Variants in CD109 observed in about 807,000 individuals in gnomAD.
CD109 encodes the protein CD109 molecule, also known as CD109 antigen.
Under a neutral mutation model 165.8 loss-of-function variants are expected in CD109, and 149 were observed. That is an observed-to-expected ratio of 0.90 (90% CI 0.79 to 1.03). CD109 has a LOEUF of 1.03. Among genes scored for constraint, CD109 ranks in the 50% least tolerant of loss-of-function variants. The pLI, the probability that CD109 is intolerant of heterozygous loss-of-function variation, is 0.00. For synonymous variants in CD109, 585 were observed against 592.1 expected (o/e 0.99, Z 0.18); for missense variants, 1,712 against 1,677.8 (o/e 1.02, Z -0.36).
chr6:73,706,227 A>G (rs1283917407), intron 2 of CD109, among the ~76,000 whole-genome samples: 1 of 152,190 alleles, frequency 6.6e-6, no homozygotes, highest in Non-Finnish European at 1.5e-5. Flanking sequence ...TTTATAGGAA[A>G]TGGGGGTAAA....
intron 20 of CD109, among the ~76,000 whole-genome samples, chr6:73,786,575 A>T (rs1316270137): frequency 6.6e-6 from 1 of 152,038 alleles, no homozygotes; most frequent in Non-Finnish European, 1.5e-5. Context: ...CAAATGACTT[A>T]ATTGTAGTTT....
chr6:73,711,227 T>G lies in CD109; in HGVS notation c.248-12024T>G, dbSNP rs562434405. Among the ~76,000 whole-genome samples, 7 of 152,366 alleles carry G rather than the reference T, an allele frequency of 4.6e-5. No homozygotes were observed. In the South Asian group the frequency reaches 1.4e-3, roughly 32 times the overall value. ...ACCATTTTATTTATTTTACTTTTAGTAGGTTTGTGTTTGACCTGCTTTTTT... is the reference window on the plus strand; with the variant it reads ...ACCATTTTATTTATTTTACTTTTAGGAGGTTTGTGTTTGACCTGCTTTTTT... On this transcript the variant is annotated intron_variant, in intron 2 of 32. Transcript: ENST00000287097.
intron 26 of CD109, among the ~76,000 whole-genome samples, 177 bp from the exon 27 acceptor site, chr6:73,809,807 A>ATG (rs144331019): frequency 6.6e-6 from 1 of 152,008 alleles, no homozygotes; most frequent in Non-Finnish European, 1.5e-5. Flanking sequence ...ATACATATGT[A>ATG]TGTGTGTGTG....
chr6:73,715,241 C>T (rs1268227182), intron 2 of CD109, among the ~76,000 whole-genome samples: 1 of 152,044 alleles, frequency 6.6e-6, no homozygotes, highest in Non-Finnish European at 1.5e-5. Flanking sequence ...GCCTGGGTGA[C>T]AGAGCAAGAC....
intron 31 of CD109, 25 bp downstream of exon 31, chr6:73,818,560 T>G (rs763139676): frequency 6.2e-7 from 1 of 1,604,328 alleles, no homozygotes; most frequent in Admixed American, 1.7e-5. Context: ...ATAAGGTAAC[T>G]GTTGACAAAG....
chr6:73,790,704 G>C (rs1308042380), intron 22 of CD109, among the ~76,000 whole-genome samples: 2 of 152,090 alleles, frequency 1.3e-5, no homozygotes, highest in African/African-American at 2.4e-5. Context: ...AGGAAAAAAA[G>C]GGTGAATTCC....
At chr6:73,777,013 G>A (rs1183482900) in intron 15 of CD109, among the ~76,000 whole-genome samples, 5 of 80,866 alleles carry the variant, frequency 6.2e-5, no homozygotes, top group Non-Finnish European at 2.4e-5. Context: ...TTGAGATGGA[G>A]TTTCCCCCTT....
At position 73,765,496 on chromosome 6, in the gene CD109, C is replaced by T. The variant is rs147790549; in HGVS notation, c.1108-434C>T. On this transcript the variant is annotated intron_variant, in intron 10 of 32. Coordinates refer to ENST00000287097, the MANE Select transcript of CD109 (RefSeq NM_133493.5). The stretch of plus-strand genomic sequence containing the variant: ...CCAAGTAGAAATTTCCTGCAGGTAA[C>T]TGGAGGTGTTGGGCATGAACTCCAG... Among the ~76,000 whole-genome samples, 260 of 152,244 alleles carry T rather than the reference C, an allele frequency of 1.7e-3. 1 individual carries two copies. Among genetic ancestry groups the T allele is most frequent in the African/African-American group, 5.9e-3 (247 of 41,542 alleles).
At chr6:73,800,957 TA>T (rs1160624374) in intron 23 of CD109, among the ~76,000 whole-genome samples, 1 of 152,196 alleles carries the variant, frequency 6.6e-6, no homozygotes, top group African/African-American at 2.4e-5. Flanking sequence ...TGGAATAGTT[TA>T]AAAACTTTAA....
At chr6:73,787,573 G>T (rs1042355853) in intron 21 of CD109, 121 bp downstream of exon 21, 3 of 650,644 alleles carry the variant, frequency 4.6e-6, no homozygotes, top group Non-Finnish European at 7.9e-6. Flanking sequence ...TTACCCTTCT[G>T]GTAATGCCTA....
chr6:73,679,370 T>C, the CD109 span, among the ~76,000 whole-genome samples: 2 of 152,202 alleles, frequency 1.3e-5, no homozygotes, highest in South Asian at 4.1e-4. Flanking sequence ...GGAATCACCA[T>C]TGTTAATATA....
At chr6:73,792,570 A>G in intron 22 of CD109, 56 bp from the exon 23 acceptor site, 1 of 1,491,374 alleles carries the variant, frequency 6.7e-7, no homozygotes, top group Non-Finnish European at 9.3e-7. Context: ...CTTTGCCACC[A>G]GCAGGTCGTT....
At chr6:73,817,705 A>G (rs1050661926) in intron 30 of CD109, among the ~76,000 whole-genome samples, 13 of 152,176 alleles carry the variant, frequency 8.5e-5, no homozygotes, top group Admixed American at 2.6e-4. Flanking sequence ...AAAAATATTT[A>G]TTTCCAAGCA....
At chr6:73,705,648 GAAAA>G (rs1454097262) in intron 2 of CD109, among the ~76,000 whole-genome samples, 224 of 151,988 alleles carry the variant, frequency 1.5e-3, no homozygotes, top group African/African-American at 5.1e-3. Context: ...GAAAAGAAAA[GAAAA>G]GAATAGAATA....
the CD109 span, among the ~76,000 whole-genome samples, chr6:73,686,574 A>C: frequency 6.6e-6 from 1 of 152,202 alleles, no homozygotes; most frequent in Non-Finnish European, 1.5e-5. Flanking sequence ...GCCATTTATG[A>C]TCACTGCTGA....
intron 5 of CD109, among the ~76,000 whole-genome samples, chr6:73,753,989 A>G (rs529593360): frequency 6.6e-6 from 1 of 152,320 alleles, no homozygotes; most frequent in African/African-American, 2.4e-5. Flanking sequence ...CTCTTACAGG[A>G]GATGGACACA....
chr6:73,821,026 C>G (rs1343223542), intron 32 of CD109, among the ~76,000 whole-genome samples: 4 of 152,020 alleles, frequency 2.6e-5, no homozygotes, highest in Admixed American at 2.0e-4. Context: ...ATGGATGAAG[C>G]TGGAAACCAT....
At chr6:73,741,460 T>C (rs1391854562) in intron 5 of CD109, among the ~76,000 whole-genome samples, 1 of 152,244 alleles carries the variant, frequency 6.6e-6, no homozygotes, top group Non-Finnish European at 1.5e-5. Context: ...CGTTATACTT[T>C]AGGTACATTA....
At chr6:73,760,224 G>A (rs1773563223) in intron 7 of CD109, among the ~76,000 whole-genome samples, 1 of 151,462 alleles carries the variant, frequency 6.6e-6, no homozygotes, top group African/African-American at 2.4e-5. Context: ...TGGCTAACAC[G>A]GTGAAACCCC....
Sources: gnomAD v4.1 joint callset for allele counts (sites outside exome capture counted in the v4.1 genomes callset) on GRCh38, gnomAD v4.1.1 for gene constraint, MANE v1.5 for transcripts, NCBI Gene and HGNC (gene_info 2026-07-23, HGNC 2026-07-21) for gene names.